Variants in FAAH2 observed in about 807,000 individuals in gnomAD.
The protein encoded by FAAH2 is fatty-acid amide hydrolase 2.
FAAH2 carries 60 observed loss-of-function variants against 36.9 expected under a neutral mutation model. The ratio of observed to expected loss-of-function variants is 1.63; its 90% confidence interval spans 1.32 to 2.02. The LOEUF (loss-of-function observed/expected upper bound fraction) is 2.02. FAAH2 is among the 30% of genes most tolerant of loss of function. The pLI, the probability that FAAH2 is intolerant of heterozygous loss-of-function variation, is 0.00. For missense variants in FAAH2, 689 were observed against 397.5 expected (o/e 1.73, Z -6.23); for synonymous variants, 214 against 143.8 (o/e 1.49, Z -3.49).
the FAAH2 span, among the ~76,000 whole-genome samples, chrX:57,128,863 A>G: frequency 8.9e-6 from 1 of 111,841 alleles, no homozygotes; most frequent in Admixed American, 9.5e-5. Context: ...CAGAAAATAA[A>G]GAAACCATCT....
At chrX:57,214,862 A>G in the FAAH2 span, among the ~76,000 whole-genome samples, 1 of 111,200 alleles carries the variant, frequency 9.0e-6, no homozygotes, top group Non-Finnish European at 1.9e-5. Flanking sequence ...TTGGTACCTG[A>G]ATTTTTTCCA....
At chrX:57,247,464 TTC>T in the FAAH2 span, among the ~76,000 whole-genome samples, 1 of 109,742 alleles carries the variant, frequency 9.1e-6, no homozygotes, top group Non-Finnish European at 1.9e-5. Flanking sequence ...AAAGAAGAGT[TTC>T]TCTCTCTCTC....
At chrX:57,377,712 T>A (rs192805458) in intron 5 of FAAH2, among the ~76,000 whole-genome samples, 1 of 112,271 alleles carries the variant, frequency 8.9e-6, no homozygotes, top group East Asian at 2.8e-4. Flanking sequence ...CGGATAGTAT[T>A]GAATCTATAA....
intron 5 of FAAH2, among the ~76,000 whole-genome samples, chrX:57,372,717 T>C (rs2054581884): frequency 9.0e-6 from 1 of 111,214 alleles, no homozygotes; most frequent in Non-Finnish European, 1.9e-5. Context: ...CCACTTTTAA[T>C]TTTTTTAATT....
intron 3 of FAAH2, among the ~76,000 whole-genome samples, chrX:57,323,196 G>T (rs1282888751): frequency 9.0e-6 from 1 of 111,633 alleles, no homozygotes; most frequent in South Asian, 3.7e-4. Context: ...CTATTCCATG[G>T]TGTATATGTG....
At chrX:57,369,272 T>A (rs748620457) in intron 5 of FAAH2, among the ~76,000 whole-genome samples, 1 of 110,997 alleles carries the variant, frequency 9.0e-6, no homozygotes, top group African/African-American at 3.3e-5. Context: ...ATTCTAGAGA[T>A]TTCAGTAGAA....
chrX:57,366,123 T>TCTTGCA (rs2054407068), intron 5 of FAAH2, among the ~76,000 whole-genome samples: 1 of 99,204 alleles, frequency 1.0e-5, no homozygotes, highest in Non-Finnish European at 2.1e-5. Flanking sequence ...TTGCCAGAGT[T>TCTTGCA]CTTGCACTAT....
chrX:57,428,573 C>A (rs1349357290), intron 7 of FAAH2, among the ~76,000 whole-genome samples: 1 of 111,346 alleles, frequency 9.0e-6, no homozygotes, highest in East Asian at 2.8e-4. Context: ...AAGAGAGAAC[C>A]CAGAAATTAA....
At chrX:57,466,058 A>G (rs190718638) in intron 10 of FAAH2, among the ~76,000 whole-genome samples, 232 of 107,115 alleles carry the variant, frequency 2.2e-3, no homozygotes, top group African/African-American at 7.1e-3. Context: ...CTTCTTTCAT[A>G]CACACGCACA....
At chrX:57,217,456 G>T in the FAAH2 span, among the ~76,000 whole-genome samples, 1 of 111,693 alleles carries the variant, frequency 9.0e-6, no homozygotes, top group Non-Finnish European at 1.9e-5. Context: ...GTTGATTTTT[G>T]AATAAGGTGA....
chrX:57,263,567 A>AT, the FAAH2 span, among the ~76,000 whole-genome samples: 6 of 112,163 alleles, frequency 5.3e-5, no homozygotes, highest in Non-Finnish European at 1.1e-4. Flanking sequence ...CTTTTGCAAG[A>AT]TTTTTTATAA....
At chrX:57,330,520 T>C (rs955895400) in intron 3 of FAAH2, among the ~76,000 whole-genome samples, 1 of 111,524 alleles carries the variant, frequency 9.0e-6, no homozygotes, top group African/African-American at 3.3e-5. Flanking sequence ...GGTCCTGTGA[T>C]CTTGCCCTGC....
intron 7 of FAAH2, among the ~76,000 whole-genome samples, chrX:57,382,026 C>A (rs887317074): frequency 9.0e-6 from 1 of 111,652 alleles, no homozygotes; most frequent in African/African-American, 3.3e-5. Flanking sequence ...GAAACTCGCT[C>A]AAAACCGCTT....
intron 7 of FAAH2, among the ~76,000 whole-genome samples, chrX:57,424,665 T>A (rs1254824392): frequency 1.8e-5 from 2 of 112,021 alleles, no homozygotes; most frequent in African/African-American, 6.5e-5. Flanking sequence ...TAAAAACACT[T>A]AGAAGCAAAG....
At chrX:57,246,991 T>C in the FAAH2 span, among the ~76,000 whole-genome samples, 2 of 111,734 alleles carry the variant, frequency 1.8e-5, no homozygotes, top group Non-Finnish European at 3.8e-5. Context: ...AAAAACTTTA[T>C]GAGGAATGAA....
chrX:57,131,441 AGCTTTATGGCC>A, the FAAH2 span, among the ~76,000 whole-genome samples: 1 of 111,896 alleles, frequency 8.9e-6, no homozygotes, highest in Non-Finnish European at 1.9e-5. Flanking sequence ...ACACAGGATA[AGCTTTATGGCC>A]GTACCAGAGA....
chrX:57,149,238 C>T, the FAAH2 span, among the ~76,000 whole-genome samples: 1 of 111,366 alleles, frequency 9.0e-6, no homozygotes, highest in Non-Finnish European at 1.9e-5. Context: ...TGTGTCTCTG[C>T]CCGGCTTTGG....
intron 3 of FAAH2, among the ~76,000 whole-genome samples, chrX:57,324,394 G>T (rs1055666725): frequency 2.7e-5 from 3 of 111,802 alleles, no homozygotes; most frequent in Admixed American, 9.5e-5. Flanking sequence ...TTGGTAGCTT[G>T]ATGCGGATGG....
the FAAH2 span, among the ~76,000 whole-genome samples, chrX:57,158,775 T>G: frequency 1.8e-5 from 2 of 112,049 alleles, no homozygotes; most frequent in East Asian, 5.6e-4. Flanking sequence ...TTGCAAAAAT[T>G]TTCTCCCATT....
Sources: allele counts gnomAD v4.1 joint callset (sites outside exome capture counted in the v4.1 genomes callset), GRCh38; gene constraint gnomAD v4.1.1; transcripts MANE v1.5; gene names NCBI Gene and HGNC (gene_info 2026-07-23, HGNC 2026-07-21).